MDGA2: variants seen among roughly 807,000 people sequenced by gnomAD.
MDGA2 encodes the protein MAM domain-containing glycosylphosphatidylinositol anchor protein 2.
MDGA2 carries 40 observed loss-of-function variants against 117.8 expected under a neutral mutation model. The ratio of observed to expected loss-of-function variants is 0.34; its 90% CI spans 0.26 to 0.44. The LOEUF is 0.44. Among genes scored for constraint, MDGA2 ranks in the 20% least tolerant of loss-of-function variants. MDGA2 has a pLI of 1.00. For synonymous variants in MDGA2, 452 were observed against 439.0 expected (o/e 1.03, Z -0.37); for missense variants, 1,123 against 1,250.6 (o/e 0.90, Z 1.54).
chr14:47,561,179 G>GTTTTTTTTTTTTTTTTTTTTTTTTTT (rs1299123339), intron 1 of MDGA2, among the ~76,000 whole-genome samples: 1 of 71,622 alleles, frequency 1.4e-5, no homozygotes, highest in Non-Finnish European at 2.8e-5. Flanking sequence ...TTGTTTGTTT[G>GTTTTTTTTTTTTTTTTTTTTTTTTTT]TTTTTTTTTG....
At chr14:47,298,708 A>G (rs150569978) in intron 2 of MDGA2, among the ~76,000 whole-genome samples, 12,901 of 140,304 alleles carry the variant, frequency 0.092, 702 homozygotes, top group Non-Finnish European at 0.11. Flanking sequence ...TTTTTGAGAC[A>G]GAGTCTCGTT....
chr14:46,956,924 C>A (rs1453400322), intron 9 of MDGA2, among the ~76,000 whole-genome samples: 1 of 152,028 alleles, frequency 6.6e-6, no homozygotes, highest in Non-Finnish European at 1.5e-5. Context: ...CCCCTTCACT[C>A]TCTCTCTCTT....
At chr14:47,331,469 A>G (rs1308905348) in intron 1 of MDGA2, among the ~76,000 whole-genome samples, 35 of 151,974 alleles carry the variant, frequency 2.3e-4, no homozygotes, top group Admixed American at 2.3e-3. Context: ...ATATGTAGTT[A>G]GTTTAGCTTA....
At chr14:47,298,394 C>T (rs989839425) in intron 2 of MDGA2, among the ~76,000 whole-genome samples, 2 of 152,126 alleles carry the variant, frequency 1.3e-5, no homozygotes, top group Middle Eastern at 3.4e-3. Context: ...TGGAAATAAA[C>T]AATCTTTATG....
At chr14:47,003,382 C>T (rs998340570) in intron 8 of MDGA2, among the ~76,000 whole-genome samples, 1 of 151,724 alleles carries the variant, frequency 6.6e-6, no homozygotes, top group East Asian at 1.9e-4. Flanking sequence ...AAAAAACCTA[C>T]CACACTGTTT....
chr14:47,254,508 C>G (rs1295453953), intron 2 of MDGA2, among the ~76,000 whole-genome samples: 1 of 152,180 alleles, frequency 6.6e-6, no homozygotes, highest in Non-Finnish European at 1.5e-5. Flanking sequence ...TCTGAGATCA[C>G]CTCGGACTGG....
intron 2 of MDGA2, among the ~76,000 whole-genome samples, chr14:47,262,548 G>A (rs183422798): frequency 6.6e-6 from 1 of 152,276 alleles, no homozygotes; most frequent in East Asian, 1.9e-4. Flanking sequence ...AGGCACCAGT[G>A]GAAATTCTGA....
chr14:47,585,368 A>C (rs2138848053), intron 1 of MDGA2, among the ~76,000 whole-genome samples: 1 of 152,070 alleles, frequency 6.6e-6, no homozygotes, highest in East Asian at 1.9e-4. Context: ...TTTATGTTTA[A>C]GATCCTGCTT....
intron 1 of MDGA2, among the ~76,000 whole-genome samples, chr14:47,462,822 G>T (rs746704606): frequency 6.6e-6 from 1 of 152,088 alleles, no homozygotes; most frequent in Non-Finnish European, 1.5e-5. Context: ...TAATTATTTG[G>T]ACTTCTTCTT....
intron 8 of MDGA2, among the ~76,000 whole-genome samples, 160 bp from the exon 9 acceptor site, chr14:46,957,803 G>C (rs1167238292): frequency 6.6e-6 from 1 of 152,092 alleles, no homozygotes; most frequent in African/African-American, 2.4e-5. Flanking sequence ...TTTTAGCTTG[G>C]GTTGGGAAAT....
intron 15 of MDGA2, among the ~76,000 whole-genome samples, chr14:46,849,843 AT>A (rs1310960600): frequency 6.6e-6 from 1 of 151,718 alleles, no homozygotes. Context: ...AGATAAAACC[AT>A]TTTCGTTTCC....
chr14:46,854,377 C>G (rs1223746698), intron 15 of MDGA2, among the ~76,000 whole-genome samples: 2 of 151,284 alleles, frequency 1.3e-5, no homozygotes, highest in Non-Finnish European at 3.0e-5. Flanking sequence ...TGTTTATACA[C>G]ATTAAAATCA....
intron 3 of MDGA2, among the ~76,000 whole-genome samples, chr14:47,164,140 T>A (rs1334871638): frequency 2.0e-5 from 3 of 152,216 alleles, no homozygotes; most frequent in African/African-American, 7.2e-5. Context: ...CTGCTGCTTG[T>A]ATGGAACAGT....
At chr14:47,178,593 CT>C (rs1318071035) in intron 3 of MDGA2, among the ~76,000 whole-genome samples, 1 of 151,938 alleles carries the variant, frequency 6.6e-6, no homozygotes, top group African/African-American at 2.4e-5. Context: ...AGGCACTGAC[CT>C]AGGTATAAGA....
chr14:47,440,673 TTTCTGTAGGC>T (rs36230871), intron 1 of MDGA2, among the ~76,000 whole-genome samples: 97,770 of 151,368 alleles, frequency 0.65, 31,751 homozygotes, highest in Middle Eastern at 0.74. Context: ...GATTCTACAC[TTTCTGTAGGC>T]TTCTGTAGGC....
At chr14:47,258,615 T>C (rs1037313906) in intron 2 of MDGA2, among the ~76,000 whole-genome samples, 8 of 152,074 alleles carry the variant, frequency 5.3e-5, no homozygotes, top group Non-Finnish European at 8.8e-5. Context: ...TTTTTGAGAC[T>C]GAGAATCTTA....
At chr14:47,648,681 T>C (rs1467553702) in intron 1 of MDGA2, among the ~76,000 whole-genome samples, 3 of 152,084 alleles carry the variant, frequency 2.0e-5, no homozygotes, top group African/African-American at 7.2e-5. Context: ...AGTAAAAGCC[T>C]TTCATAGGTA....
chr14:47,073,697 C>T (rs1036946597), intron 6 of MDGA2, among the ~76,000 whole-genome samples: 2 of 151,986 alleles, frequency 1.3e-5, no homozygotes, highest in African/African-American at 4.8e-5. Context: ...TTTGGTGGTG[C>T]CTGAGAATTC....
intron 6 of MDGA2, among the ~76,000 whole-genome samples, chr14:47,091,181 C>T (rs1026650920): frequency 3.3e-5 from 5 of 152,078 alleles, no homozygotes; most frequent in Admixed American, 2.0e-4. Flanking sequence ...CTTAGGTTAT[C>T]AAAGAGTCAT....
Sources: gnomAD v4.1 joint callset for allele counts (sites outside exome capture counted in the v4.1 genomes callset) on GRCh38, gnomAD v4.1.1 for gene constraint, MANE v1.5 for transcripts, NCBI Gene and HGNC (gene_info 2026-07-23, HGNC 2026-07-21) for gene names.